KCNIP4: variants seen among roughly 807,000 people sequenced by gnomAD.
KCNIP4 encodes the protein potassium voltage-gated channel interacting protein 4, also known as Kv channel-interacting protein 4.
Under a neutral mutation model 34.0 loss-of-function variants are expected in KCNIP4, and 12 were observed. The observed-to-expected ratio is 0.35, with a 90% CI of 0.23 to 0.57. KCNIP4 has a LOEUF of 0.57. KCNIP4 is among the 20% of genes least tolerant of loss of function. KCNIP4 has a pLI of 0.83. For synonymous variants in KCNIP4, 124 were observed against 102.2 expected (o/e 1.21, Z -1.29); for missense variants, 238 against 311.7 (o/e 0.76, Z 1.78).
chr4:21,087,241 A>C (rs537486240), intron 1 of KCNIP4, among the ~76,000 whole-genome samples: 1 of 148,114 alleles, frequency 6.8e-6, no homozygotes, highest in Admixed American at 6.8e-5. Context: ...CAGTGGCATG[A>C]TCTCAGCTCA....
At chr4:21,429,958 ATCAG>A (rs1311752760) in intron 1 of KCNIP4, among the ~76,000 whole-genome samples, 1 of 152,186 alleles carries the variant, frequency 6.6e-6, no homozygotes, top group Admixed American at 6.5e-5. Flanking sequence ...TCTATCTATT[ATCAG>A]TCACTGTGAA....
intron 1 of KCNIP4, among the ~76,000 whole-genome samples, chr4:21,044,128 C>T (rs1742211305): frequency 1.3e-5 from 2 of 152,112 alleles, no homozygotes. Context: ...CTAGCAGCTC[C>T]TGGAAGGGGC....
chr4:21,892,187 T>C (rs1727135493), intron 1 of KCNIP4, among the ~76,000 whole-genome samples: 1 of 152,096 alleles, frequency 6.6e-6, no homozygotes, highest in Non-Finnish European at 1.5e-5. Context: ...TGTATATTCA[T>C]GCAAAGAACC....
In KCNIP4 at chr4:21,151,405, A is replaced by ATTTTTTTTTTTTTTTTTTTTTTTTTT. The variant is rs1491541435; in HGVS notation, c.62-268697_62-268696insAAAAAAAAAAAAAAAAAAAAAAAAAA. On this transcript the variant is annotated intron_variant, in intron 1 of 8. Coordinates refer to ENST00000382152, the MANE Select transcript of KCNIP4 (RefSeq NM_025221.6). Reference sequence around the variant, plus strand: ...AGAATGGATGTCTTCAACAAAAGACAATTTTTTTTTTTTTTTTTTTTTTTT... The same window carrying ATTTTTTTTTTTTTTTTTTTTTTTTTT: ...AGAATGGATGTCTTCAACAAAAGACATTTTTTTTTTTTTTTTTTTTTTTTTTATTTTTTTTTTTTTTTTTTTTTTTT... Among the ~76,000 whole-genome samples, 6 of 93,512 alleles carry ATTTTTTTTTTTTTTTTTTTTTTTTTT rather than the reference A, an allele frequency of 6.4e-5. 3 individuals carry two copies. 61.3% of individuals were successfully genotyped at this position (93,512 alleles called of 152,430 possible).
intron 1 of KCNIP4, among the ~76,000 whole-genome samples, chr4:21,186,384 T>C (rs538102470): frequency 6.6e-6 from 1 of 152,072 alleles, no homozygotes; most frequent in South Asian, 2.1e-4. Flanking sequence ...TCTCAGAGAG[T>C]CTGTAAAGTC....
intron 1 of KCNIP4, among the ~76,000 whole-genome samples, chr4:21,429,039 T>C (rs937842235): frequency 6.6e-6 from 1 of 152,182 alleles, no homozygotes; most frequent in East Asian, 1.9e-4. Flanking sequence ...CTACATTCTA[T>C]AGGTTTTGAC....
intron 1 of KCNIP4, among the ~76,000 whole-genome samples, chr4:21,655,834 T>A (rs2108979730): frequency 6.6e-6 from 1 of 152,302 alleles, no homozygotes; most frequent in Admixed American, 6.5e-5. Context: ...TTGCCCCAAA[T>A]GTGTTCTGCA....
chr4:21,573,503 T>C (rs1426947025), intron 1 of KCNIP4, among the ~76,000 whole-genome samples: 1 of 152,172 alleles, frequency 6.6e-6, no homozygotes, highest in African/African-American at 2.4e-5. Flanking sequence ...TTCTCGTTCC[T>C]TGGGATTTAT....
intron 1 of KCNIP4, among the ~76,000 whole-genome samples, chr4:21,188,940 G>C (rs1407727901): frequency 6.6e-6 from 1 of 152,198 alleles, no homozygotes; most frequent in East Asian, 1.9e-4. Flanking sequence ...ACAGGTTGTG[G>C]TGAGGAGACA....
chr4:21,332,404 C>T (rs1715746702), intron 1 of KCNIP4, among the ~76,000 whole-genome samples: 1 of 151,986 alleles, frequency 6.6e-6, no homozygotes, highest in African/African-American at 2.4e-5. Flanking sequence ...TTCCAAGTCT[C>T]TTATCCATCT....
chr4:21,666,479 T>A (rs997641831), intron 1 of KCNIP4, among the ~76,000 whole-genome samples: 1 of 152,248 alleles, frequency 6.6e-6, no homozygotes, highest in African/African-American at 2.4e-5. Flanking sequence ...CAGGATGATT[T>A]ATGCCAGTGT....
intron 1 of KCNIP4, among the ~76,000 whole-genome samples, chr4:21,286,471 A>T (rs1408183006): frequency 6.6e-6 from 1 of 152,218 alleles, no homozygotes. Context: ...TATGAGGCAG[A>T]GACCAATCCC....
chr4:21,331,375 AAC>A (rs1715621674), intron 1 of KCNIP4, among the ~76,000 whole-genome samples: 1 of 152,008 alleles, frequency 6.6e-6, no homozygotes, highest in East Asian at 1.9e-4. Flanking sequence ...CAAACACATA[AAC>A]ACATATACTT....
chr4:21,859,102 C>T (rs1398436399), intron 1 of KCNIP4, among the ~76,000 whole-genome samples: 2 of 152,038 alleles, frequency 1.3e-5, no homozygotes, highest in Admixed American at 1.3e-4. Flanking sequence ...GGACATAAGA[C>T]CAAAAAGAGT....
chr4:21,540,922 G>T (rs1463996379), intron 1 of KCNIP4, among the ~76,000 whole-genome samples: 1 of 152,078 alleles, frequency 6.6e-6, no homozygotes, highest in Non-Finnish European at 1.5e-5. Context: ...TGTAATCCCA[G>T]CACTTTGGGA....
intron 1 of KCNIP4, among the ~76,000 whole-genome samples, chr4:21,132,249 C>G (rs577576269): frequency 6.6e-6 from 1 of 152,324 alleles, no homozygotes; most frequent in Non-Finnish European, 1.5e-5. Flanking sequence ...ACTTGTTCTT[C>G]TATCACTTAC....
intron 1 of KCNIP4, among the ~76,000 whole-genome samples, chr4:21,541,756 A>T (rs1737714365): frequency 6.6e-6 from 1 of 151,842 alleles, no homozygotes; most frequent in African/African-American, 2.4e-5. Flanking sequence ...ATCCTCCTGT[A>T]TAAGCCTCCT....
At chr4:21,878,417 A>G (rs922957754) in intron 1 of KCNIP4, among the ~76,000 whole-genome samples, 1 of 152,136 alleles carries the variant, frequency 6.6e-6, no homozygotes, top group African/African-American at 2.4e-5. Context: ...TCTGATCAAC[A>G]CTTTCTGCAT....
At chr4:20,737,274 C>G (rs1019085536) in intron 5 of KCNIP4, among the ~76,000 whole-genome samples, 3 of 143,702 alleles carry the variant, frequency 2.1e-5, no homozygotes, top group African/African-American at 8.0e-5. Context: ...GAGCATTTCC[C>G]TAGGAAAGGA....
Sources: allele counts gnomAD v4.1 joint callset (sites outside exome capture counted in the v4.1 genomes callset), GRCh38; gene constraint gnomAD v4.1.1; transcripts MANE v1.5; gene names NCBI Gene and HGNC (gene_info 2026-07-23, HGNC 2026-07-21).